Variants in ELF5 observed in about 807,000 individuals in gnomAD.
ELF5 encodes ETS-related transcription factor Elf-5.
In ELF5, 31 loss-of-function variants were observed where a neutral mutation model predicts 38.2. The observed-to-expected ratio is 0.81, with a 90% confidence interval of 0.61 to 1.10. The LOEUF is 1.10. ELF5 is among the 50% of genes least tolerant of loss of function. ELF5 has a pLI of 0.00. For synonymous variants in ELF5, 121 were observed against 112.5 expected (o/e 1.08, Z -0.48); for missense variants, 300 against 306.6 (o/e 0.98, Z 0.16).
At chr11:34,485,774 G>A (rs1180640134) in intron 4 of ELF5, among the ~76,000 whole-genome samples, 1 of 152,154 alleles carries the variant, frequency 6.6e-6, no homozygotes, top group African/African-American at 2.4e-5. Context: ...GGGGCAGGGG[G>A]CCAAAGTCAT....
At chr11:34,509,015 C>G (rs1850683275) in intron 1 of ELF5, among the ~76,000 whole-genome samples, 1 of 152,172 alleles carries the variant, frequency 6.6e-6, no homozygotes, top group Non-Finnish European at 1.5e-5. Flanking sequence ...AATCTCCAAC[C>G]ACCATCATCA....
intron 3 of ELF5, chr11:34,492,013 G>C (rs12293745): frequency 0.058 from 8,870 of 152,316 alleles, 301 homozygotes; most frequent in African/African-American, 0.098. Context: ...TGGCCAAGCT[G>C]GCATTGCCAA....
At chr11:34,485,892 G>A in intron 4 of ELF5, among the ~76,000 whole-genome samples, 1 of 152,118 alleles carries the variant, frequency 6.6e-6, no homozygotes, top group East Asian at 1.9e-4. Flanking sequence ...GTAAATGCCA[G>A]TTGTGTTTCA....
At chr11:34,505,234 G>A (rs560719039) in intron 2 of ELF5, among the ~76,000 whole-genome samples, 3 of 152,250 alleles carry the variant, frequency 2.0e-5, no homozygotes, top group Admixed American at 6.5e-5. Flanking sequence ...TACACAGCTC[G>A]TGTTCAGTAA....
intron 1 of ELF5, chr11:34,511,522 T>A: frequency 6.2e-7 from 1 of 1,613,778 alleles, no homozygotes; most frequent in Non-Finnish European, 8.5e-7. Context: ...ACTTCACACA[T>A]GAGAAAGTTG....
chr11:34,508,648 G>A (rs754019511), intron 1 of ELF5, among the ~76,000 whole-genome samples: 11 of 152,136 alleles, frequency 7.2e-5, no homozygotes, highest in Non-Finnish European at 1.6e-4. Flanking sequence ...GGCCCTTTAA[G>A]AAAAAGTTTG....
intron 2 of ELF5, among the ~76,000 whole-genome samples, chr11:34,502,511 C>T (rs539921928): frequency 2.0e-5 from 3 of 152,350 alleles, no homozygotes; most frequent in South Asian, 4.1e-4. Context: ...GAAGGCCCCT[C>T]CTGCTAATCC....
chr11:34,499,285 G>A (rs926516853), intron 2 of ELF5, among the ~76,000 whole-genome samples: 3 of 151,998 alleles, frequency 2.0e-5, no homozygotes, highest in East Asian at 1.9e-4. Flanking sequence ...TCTGTCATCC[G>A]GGCTGGAGTG....
intron 3 of ELF5, among the ~76,000 whole-genome samples, chr11:34,490,703 T>A (rs1392489770): frequency 6.6e-6 from 1 of 152,110 alleles, no homozygotes; most frequent in Non-Finnish European, 1.5e-5. Context: ...TGAGATTGTG[T>A]TTTCACATAG....
At chr11:34,480,550 G>T (rs1856913233) in intron 6 of ELF5, among the ~76,000 whole-genome samples, 1 of 152,088 alleles carries the variant, frequency 6.6e-6, no homozygotes, top group Non-Finnish European at 1.5e-5. Flanking sequence ...CGTGTGAGAT[G>T]GCCTGGATTC....
intron 5 of ELF5, among the ~76,000 whole-genome samples, chr11:34,481,491 G>A (rs1178963527): frequency 6.6e-6 from 1 of 152,170 alleles, no homozygotes; most frequent in Non-Finnish European, 1.5e-5. Flanking sequence ...CACACATTCA[G>A]AGACACCCAA....
In ELF5 at chr11:34,489,994, C is replaced by T. The variant is rs2231825; in HGVS notation, c.406+15G>A. Reference sequence around the variant, plus strand: ...CCTTGACAGAGCCTTGGGTGGCTTGCGCTTGGTTACTTACAGTCTTTGATG... The same window carrying T: ...CCTTGACAGAGCCTTGGGTGGCTTGTGCTTGGTTACTTACAGTCTTTGATG... On this transcript the variant is annotated intron_variant, in intron 4 of 6. Transcript: ENST00000257832. 15 of 1,613,602 alleles carry T rather than the reference C, an allele frequency of 9.3e-6. No homozygotes were observed. Among genetic ancestry groups the T allele is most frequent in the East Asian group, 4.5e-5 (2 of 44,900 alleles).
At chr11:34,480,700 G>T in intron 6 of ELF5, 72 bp downstream of exon 6, 1 of 1,521,058 alleles carries the variant, frequency 6.6e-7, no homozygotes, top group Non-Finnish European at 8.9e-7. Flanking sequence ...CAAAAACAGT[G>T]TAATTTTCTA....
intron 4 of ELF5, among the ~76,000 whole-genome samples, chr11:34,488,300 G>A (rs759167430): frequency 6.6e-6 from 1 of 152,308 alleles, no homozygotes; most frequent in South Asian, 2.1e-4. Context: ...ATAAATGTTT[G>A]TTCAAAGAAT....
chr11:34,501,569 C>G (rs1018612939), intron 2 of ELF5, among the ~76,000 whole-genome samples: 1 of 152,122 alleles, frequency 6.6e-6, no homozygotes, highest in Non-Finnish European at 1.5e-5. Flanking sequence ...GAACTACATG[C>G]AGCCTCCCCC....
intron 2 of ELF5, among the ~76,000 whole-genome samples, chr11:34,496,034 G>A (rs377202931): frequency 2.0e-5 from 3 of 150,954 alleles, no homozygotes; most frequent in South Asian, 4.2e-4. Context: ...GAAAGGTTTC[G>A]CCAAGGCTCT....
chr11:34,483,757 T>C (rs979016875), intron 4 of ELF5, among the ~76,000 whole-genome samples: 1 of 152,008 alleles, frequency 6.6e-6, no homozygotes, highest in Non-Finnish European at 1.5e-5. Flanking sequence ...AACTACATTA[T>C]ACTGCACTAT....
In ELF5 at chr11:34,493,633, G is replaced by A. The variant is rs142532643; in HGVS notation, c.201C>T (p.Cys67=). 324 of 1,614,194 alleles carry A rather than the reference G, an allele frequency of 2.0e-4. 1 individual carries two copies. In the African/African-American group the frequency reaches 2.8e-3, roughly 14 times the overall value. Residue 67 remains cysteine (C), a synonymous_variant, in exon 3 of 7, where the codon TGC becomes TGT. Transcript: ENST00000257832. ...RHVWEWLQFC[C]DQYKLDTNCI... is the part of the protein sequence containing the mutation. Reference sequence around the variant, plus strand: ...AATTGGTGTCCAACTTGTACTGGTCGCAGCAGAACTGGAGCCACTCCCACA... The same window carrying A: ...AATTGGTGTCCAACTTGTACTGGTCACAGCAGAACTGGAGCCACTCCCACA...
rs555244366 is a variant in ELF5 at position 34,495,964 on chromosome 11, C to T, written c.122-2252G>A. Among the ~76,000 whole-genome samples the T allele has an allele frequency of 3.9e-5, 6 of 152,346 alleles. No homozygotes were observed. The South Asian group carries it at 8.3e-4, about 21-fold the overall frequency. ...TATGAGCCTTGACATTTTTCAGCTG[C>T]GGGCCCTGCCCTAGATGGCCATCGG... On this transcript the variant is annotated intron_variant, in intron 2 of 6. Transcript: ENST00000257832.
Sources: gnomAD v4.1 joint callset for allele counts (sites outside exome capture counted in the v4.1 genomes callset) on GRCh38, gnomAD v4.1.1 for gene constraint, MANE v1.5 for transcripts, NCBI Gene and HGNC (gene_info 2026-07-23, HGNC 2026-07-21) for gene names.